ALAD: variants seen among roughly 807,000 people sequenced by gnomAD.
The protein encoded by ALAD is delta-aminolevulinic acid dehydratase.
In ALAD, 20 loss-of-function variants were observed where a neutral mutation model predicts 44.4. That is an observed-to-expected ratio of 0.45 (90% CI 0.32 to 0.65). The LOEUF (loss-of-function observed/expected upper bound fraction) is 0.65, where lower values mean the gene tolerates loss of function less well. Ranked by LOEUF, ALAD falls within the 30% of genes least tolerant of loss-of-function variation. The pLI is 0.05. For synonymous variants in ALAD, 156 were observed against 167.9 expected (o/e 0.93, Z 0.55); for missense variants, 323 against 445.7 (o/e 0.72, Z 2.48).
intron 1 of ALAD, among the ~76,000 whole-genome samples, chr9:113,398,933 TCA>T (rs1827797691): frequency 1.3e-5 from 2 of 152,130 alleles, no homozygotes; most frequent in South Asian, 2.1e-4. Context: ...TGGGAGAATT[TCA>T]CAGACTGGGA....
At chr9:113,400,967 G>A (rs1164363837) in intron 1 of ALAD, among the ~76,000 whole-genome samples, 1 of 152,138 alleles carries the variant, frequency 6.6e-6, no homozygotes. Context: ...CTGCCCAGGC[G>A]GTATCCGAGA....
At chr9:113,391,419 G>T in intron 4 of ALAD, 108 bp downstream of exon 4, 1 of 937,662 alleles carries the variant, frequency 1.1e-6, no homozygotes, top group Non-Finnish European at 1.7e-6. Flanking sequence ...GTCCAGGCTG[G>T]TCTCAAAATC....
chr9:113,390,254 TC>T (rs1252655817), intron 7 of ALAD, 150 bp downstream of exon 7: 2 of 813,776 alleles, frequency 2.5e-6, no homozygotes, highest in Admixed American at 2.0e-5. Flanking sequence ...ACCCCTGACC[TC>T]AAGTGATCTA....
intron 10 of ALAD, 92 bp from the exon 11 acceptor site, chr9:113,389,198 T>C: frequency 4.5e-6 from 7 of 1,560,300 alleles, no homozygotes; most frequent in Non-Finnish European, 4.4e-6. Flanking sequence ...TGTGACCATC[T>C]TGAGCCCCGT....
chr9:113,393,551 G>C lies in ALAD; in HGVS notation c.9C>G (p.Pro3=). Residue 3 remains proline (P), a synonymous_variant, in exon 2 of 12, where the codon CCC becomes CCG. Transcript: ENST00000409155. MQ[P]QSVLHSGYFH... ...AGTAGCCGCTGTGCAGAACGGACTG[G>C]GGCTGCATGGCGTGGGCCAGTGGGC... 2.5e-6 allele frequency: 4 copies of C among 1,613,402 alleles called. No individual in the cohort carries two copies. The highest frequency in any genetic ancestry group is 3.4e-6 in the Non-Finnish European group (4 of 1,180,002).
rs552288877 is a variant in ALAD at position 113,387,984 on chromosome 9, A to T, written c.*316T>A. 46 of 420,106 alleles carry T rather than the reference A, an allele frequency of 1.1e-4. No individual in the cohort carries two copies. Among genetic ancestry groups the T allele is most frequent in the African/African-American group, 9.3e-4 (46 of 49,366 alleles). 26.0% of individuals were successfully genotyped at this position (420,106 alleles called of 1,614,324 possible). The stretch of plus-strand genomic sequence containing the variant: ...AGACCCTCTCCCAGCCAGGCCCCAA[A>T]GGCTGTGCCCCCGACTCCAGGTTGC... On this transcript the variant is annotated 3_prime_UTR_variant, in exon 12 of 12. Transcript: ENST00000409155.
chr9:113,389,355 T>C, intron 10 of ALAD, 83 bp downstream of exon 10: 1 of 1,542,270 alleles, frequency 6.5e-7, no homozygotes, highest in Non-Finnish European at 8.9e-7. Flanking sequence ...AAGGGCAAAC[T>C]GCTTCCAACT....
chr9:113,387,963 C>T lies in ALAD; in HGVS notation c.*337G>A. ...TCTTCTTCCCCTAATGCTCCAAGAC[C>T]CTCTCCCAGCCAGGCCCCAAAGGCT... On this transcript the variant is annotated 3_prime_UTR_variant, in exon 12 of 12. Transcript: ENST00000409155. The T allele has an allele frequency of 2.6e-6, 1 of 391,706 alleles. No homozygotes were observed. 24.3% of individuals were successfully genotyped at this position (391,706 alleles called of 1,614,324 possible). A position where few individuals can be genotyped will look rare whatever the true frequency, so the allele number is the denominator to read the frequency against.
Position 113,390,931 on chromosome 9 carries a change from G to A in ALAD, c.264C>T (p.Asp88=), listed in dbSNP as rs377534006. The change falls in exon 5 of 12, where the codon GAC becomes GAT. Residue 88 remains aspartate, a splice_region_variant and synonymous_variant. Coordinates refer to ENST00000409155, the MANE Select transcript of ALAD (RefSeq NM_000031.6). ...IFGVPSRVPK[D]ERGSAADSEE... is the part of the protein sequence containing the mutation. ...CGGAGTCAGCTGCGGAACCCCGCTC[G>A]TCCTAGGGGCAGGGGAGGGACAAAG... 180 of 1,613,980 alleles carry A rather than the reference G, an allele frequency of 1.1e-4. No individual in the cohort carries two copies. Among genetic ancestry groups the A allele is most frequent in the Non-Finnish European group, 1.4e-4 (165 of 1,180,030 alleles).
At position 113,391,109 on chromosome 9, in the gene ALAD, C is replaced by T. The variant is rs8177804; in HGVS notation, c.262-176G>A. 0.14 allele frequency among the ~76,000 whole-genome samples: 21,491 copies of T among 152,240 alleles called. 1,628 individuals are homozygous for T. The highest frequency in any genetic ancestry group is 0.22 in the South Asian group (1,070 of 4,826). On this transcript the variant is annotated intron_variant, in intron 4 of 11. Transcript: ENST00000409155. ...GGTGCTGACTTAAGGGCAAAGACCA[C>T]GTCCATTCACCTGTGGCCCCAGGGC... is the stretch of plus-strand genomic sequence containing the variant.
chr9:113,391,072 T>G, intron 4 of ALAD, 139 bp from the exon 5 acceptor site: 1 of 1,153,646 alleles, frequency 8.7e-7, no homozygotes, highest in Non-Finnish European at 1.2e-6. Flanking sequence ...CACAGAGGAC[T>G]GACCCTACAT....
chr9:113,400,713 T>A (rs889748565), intron 1 of ALAD, among the ~76,000 whole-genome samples: 1 of 152,018 alleles, frequency 6.6e-6, no homozygotes, highest in Non-Finnish European at 1.5e-5. Context: ...TCCCAGCTAG[T>A]TGGCAGGCTG....
rs537071210 is a variant in ALAD at position 113,387,996 on chromosome 9, C to T, written c.*304G>A. On this transcript the variant is annotated 3_prime_UTR_variant, in exon 12 of 12. Transcript: ENST00000409155. ...AGCCAGGCCCCAAAGGCTGTGCCCC[C>T]GACTCCAGGTTGCTTTCAAGCTGAA... 85 of 436,468 alleles carry T rather than the reference C, an allele frequency of 1.9e-4. No individual in the cohort carries two copies. Among genetic ancestry groups the T allele is most frequent in the Non-Finnish European group, 2.3e-4 (54 of 233,536 alleles). 27.0% of individuals were successfully genotyped at this position (436,468 alleles called of 1,614,324 possible). A position where few individuals can be genotyped will look rare whatever the true frequency, so the allele number is the denominator to read the frequency against.
intron 2 of ALAD, chr9:113,393,210 AG>A (rs1827642028): frequency 1.7e-6 from 1 of 572,318 alleles, no homozygotes; most frequent in African/African-American, 1.9e-5. Flanking sequence ...TCAGGATGGC[AG>A]GCAAGGGTTA....
Position 113,391,439 on chromosome 9 carries a change from A to G in ALAD, c.261+88T>C, listed in dbSNP as rs892583430. The G allele has an allele frequency of 6.9e-5, 80 of 1,160,596 alleles. No homozygotes were observed. In the African/African-American group the frequency reaches 7.7e-4, roughly 11 times the overall value. 71.9% of individuals were successfully genotyped at this position (1,160,596 alleles called of 1,614,324 possible). A position where few individuals can be genotyped will look rare whatever the true frequency, so the allele number is the denominator to read the frequency against. ...GGCTGGTCTCAAAATCCTGGGCTCAAGTGATCCACCCACTTTGGCCTCCCA... is the reference window on the plus strand; with the variant it reads ...GGCTGGTCTCAAAATCCTGGGCTCAGGTGATCCACCCACTTTGGCCTCCCA... On this transcript the variant is annotated intron_variant, in intron 4 of 11. Coordinates refer to ENST00000409155, the MANE Select transcript of ALAD (RefSeq NM_000031.6).
In ALAD at chr9:113,392,088, C is replaced by T. The variant is rs751946239; in HGVS notation, c.164+31G>A. The T allele has an allele frequency of 5.7e-6, 9 of 1,575,850 alleles. No homozygotes were observed. The South Asian group carries it at 9.2e-5, about 16-fold the overall frequency. On this transcript the variant is annotated intron_variant, in intron 3 of 11. Coordinates refer to ENST00000409155, the MANE Select transcript of ALAD (RefSeq NM_000031.6). ...ACCTGTGGAATCTCTCCCTCCACCACCCGCTGGCCCCCCAACTCCACGTCT... is the reference window on the plus strand; with the variant it reads ...ACCTGTGGAATCTCTCCCTCCACCATCCGCTGGCCCCCCAACTCCACGTCT...
intron 11 of ALAD, among the ~76,000 whole-genome samples, chr9:113,388,652 T>C (rs1043223741): frequency 1.3e-5 from 2 of 152,200 alleles, no homozygotes; most frequent in African/African-American, 4.8e-5. Flanking sequence ...GTCCCCTTTA[T>C]GGAGTGATAT....
intron 1 of ALAD, among the ~76,000 whole-genome samples, chr9:113,397,720 G>A (rs1827770779): frequency 6.6e-6 from 1 of 150,380 alleles, no homozygotes; most frequent in South Asian, 2.1e-4. Context: ...CACCTCCTGG[G>A]TTCAAGTGAT....
In ALAD at chr9:113,387,954, C is replaced by T; in HGVS notation, c.*346G>A. ...CCACTGCTCTCTTCTTCCCCTAATGCTCCAAGACCCTCTCCCAGCCAGGCC... is the reference window on the plus strand; with the variant it reads ...CCACTGCTCTCTTCTTCCCCTAATGTTCCAAGACCCTCTCCCAGCCAGGCC... On this transcript the variant is annotated 3_prime_UTR_variant, in exon 12 of 12. Coordinates refer to ENST00000409155, the MANE Select transcript of ALAD (RefSeq NM_000031.6). The T allele has an allele frequency of 7.8e-6, 3 of 382,518 alleles. No homozygotes were observed. The highest frequency in any genetic ancestry group is 1.5e-5 in the Non-Finnish European group (3 of 199,132). 23.7% of individuals were successfully genotyped at this position (382,518 alleles called of 1,614,324 possible).
Sources: allele counts gnomAD v4.1 joint callset (sites outside exome capture counted in the v4.1 genomes callset), GRCh38; gene constraint gnomAD v4.1.1; transcripts MANE v1.5; gene names NCBI Gene and HGNC (gene_info 2026-07-23, HGNC 2026-07-21).